Variants in IMMP2L observed in about 807,000 individuals in gnomAD.
IMMP2L encodes mitochondrial inner membrane protease subunit 2.
A neutral mutation model predicts 19.3 loss-of-function variants in IMMP2L; 18 were observed. The ratio of observed to expected loss-of-function variants is 0.93; its 90% confidence interval spans 0.64 to 1.38. IMMP2L has a LOEUF of 1.38. Among genes scored for constraint, IMMP2L ranks in the 40% most tolerant of loss-of-function variants. The pLI, the probability that IMMP2L is intolerant of heterozygous loss-of-function variation, is 0.00. For synonymous variants in IMMP2L, 76 were observed against 73.0 expected (o/e 1.04, Z -0.21); for missense variants, 233 against 218.2 (o/e 1.07, Z -0.43).
intron 5 of IMMP2L, among the ~76,000 whole-genome samples, chr7:110,744,496 A>C (rs1346238465): frequency 6.6e-6 from 1 of 152,120 alleles, no homozygotes; most frequent in East Asian, 1.9e-4. Context: ...CATACAGGAG[A>C]GCTCTGGCTG....
At chr7:111,058,134 T>A (rs1301935256) in intron 3 of IMMP2L, among the ~76,000 whole-genome samples, 1 of 152,144 alleles carries the variant, frequency 6.6e-6, no homozygotes, top group African/African-American at 2.4e-5. Flanking sequence ...AATTTATCTA[T>A]TTTTCTTTTA....
intron 5 of IMMP2L, among the ~76,000 whole-genome samples, chr7:110,730,532 CTTT>C (rs566137083): frequency 2.1e-5 from 3 of 143,824 alleles, no homozygotes; most frequent in Non-Finnish European, 3.1e-5. Context: ...TTTTCTTTTT[CTTT>C]TTTTTTTTTT....
At chr7:111,145,920 G>A (rs909988325) in intron 3 of IMMP2L, among the ~76,000 whole-genome samples, 1 of 152,056 alleles carries the variant, frequency 6.6e-6, no homozygotes, top group Non-Finnish European at 1.5e-5. Flanking sequence ...TGGATATGTT[G>A]GCTCCATTCA....
intron 3 of IMMP2L, among the ~76,000 whole-genome samples, chr7:111,250,213 C>T (rs1252489853): frequency 1.3e-5 from 2 of 151,938 alleles, no homozygotes; most frequent in African/African-American, 4.8e-5. Context: ...AGTGAAGGAC[C>T]TCTTCAAGGA....
In IMMP2L at chr7:111,063,636, T is replaced by G. The variant is rs539718669; in HGVS notation, c.240-100071A>C. ...CTGAATGCCTTTAACAGCACCCAAA[T>G]CATCTCTTGAATGCTTTGCTGCTTA... On this transcript the variant is annotated intron_variant, in intron 3 of 5. Transcript: ENST00000405709. Among the ~76,000 whole-genome samples the G allele has an allele frequency of 1.2e-4, 19 of 152,304 alleles. 1 individual carries two copies. In the South Asian group the frequency reaches 1.9e-3, roughly 15 times the overall value.
chr7:111,336,073 G>A (rs1452174227), intron 3 of IMMP2L, among the ~76,000 whole-genome samples: 5 of 151,982 alleles, frequency 3.3e-5, no homozygotes, highest in Non-Finnish European at 5.9e-5. Context: ...TGTTTGAGAA[G>A]GGATCTCACT....
chr7:110,796,064 T>C (rs1382159331), intron 5 of IMMP2L, among the ~76,000 whole-genome samples: 2 of 152,068 alleles, frequency 1.3e-5, no homozygotes, highest in Non-Finnish European at 2.9e-5. Flanking sequence ...CTGATGGTTT[T>C]ATAAGGGGCC....
chr7:110,746,166 T>C (rs946811036), intron 5 of IMMP2L, among the ~76,000 whole-genome samples: 4 of 152,106 alleles, frequency 2.6e-5, no homozygotes, highest in Non-Finnish European at 5.9e-5. Flanking sequence ...AGAAGGACAT[T>C]ACATAATGGG....
rs1386848343 is a variant in IMMP2L at position 110,940,770 on chromosome 7, C to T, written c.305+22730G>A. 2.6e-5 allele frequency among the ~76,000 whole-genome samples: 4 copies of T among 152,058 alleles called. No homozygotes were observed. In the East Asian group the frequency reaches 7.7e-4, roughly 29 times the overall value. The stretch of plus-strand genomic sequence containing the variant: ...ACAAACAACAACCTGAAGTAATTTA[C>T]CTGGCTATCAGGAAATACCTGAGGT... On this transcript the variant is annotated intron_variant, in intron 4 of 5. Transcript: ENST00000405709.
intron 4 of IMMP2L, among the ~76,000 whole-genome samples, chr7:110,944,485 G>A (rs752624948): frequency 2.6e-5 from 4 of 151,988 alleles, no homozygotes; most frequent in East Asian, 1.9e-4. Context: ...GTGTGTGTGC[G>A]CGTGTGTGTG....
At chr7:111,535,997 A>C (rs1046700530) in intron 1 of IMMP2L, among the ~76,000 whole-genome samples, 5 of 152,126 alleles carry the variant, frequency 3.3e-5, no homozygotes, top group African/African-American at 1.2e-4. Flanking sequence ...TTCTTTGGCC[A>C]CTAAGAAGTG....
chr7:111,255,610 G>A (rs1465052741), intron 3 of IMMP2L, among the ~76,000 whole-genome samples: 1 of 151,946 alleles, frequency 6.6e-6, no homozygotes, highest in Non-Finnish European at 1.5e-5. Flanking sequence ...AATCCTGTAA[G>A]TTACACATTA....
intron 3 of IMMP2L, among the ~76,000 whole-genome samples, chr7:111,149,987 G>A (rs973971950): frequency 2.6e-5 from 4 of 152,126 alleles, no homozygotes; most frequent in African/African-American, 7.2e-5. Context: ...GGATATGTCA[G>A]GGAGCCAAAC....
intron 1 of IMMP2L, among the ~76,000 whole-genome samples, chr7:111,544,474 G>C (rs1175303391): frequency 6.6e-6 from 1 of 152,092 alleles, no homozygotes; most frequent in Non-Finnish European, 1.5e-5. Flanking sequence ...AAAGAGCAAA[G>C]TTACTGAATG....
At chr7:111,461,097 T>C (rs530031000) in intron 3 of IMMP2L, among the ~76,000 whole-genome samples, 4 of 152,230 alleles carry the variant, frequency 2.6e-5, no homozygotes, top group African/African-American at 9.6e-5. Context: ...TATTTTGACT[T>C]AGTGCTGGAT....
intron 3 of IMMP2L, among the ~76,000 whole-genome samples, chr7:111,404,875 T>G (rs1833784284): frequency 6.6e-6 from 1 of 152,090 alleles, no homozygotes; most frequent in Admixed American, 6.6e-5. Context: ...TCACTTCTGG[T>G]GTCTGAACTC....
At chr7:110,912,484 T>C (rs1585238040) in intron 4 of IMMP2L, among the ~76,000 whole-genome samples, 1 of 151,832 alleles carries the variant, frequency 6.6e-6, no homozygotes, top group East Asian at 1.9e-4. Flanking sequence ...TTAAAGAAAA[T>C]CCAAGCTCTA....
chr7:110,698,642 A>C (rs939269518), intron 5 of IMMP2L, among the ~76,000 whole-genome samples: 1 of 152,216 alleles, frequency 6.6e-6, no homozygotes, highest in African/African-American at 2.4e-5. Flanking sequence ...TTCATGCTCC[A>C]AGGATGGCAG....
chr7:110,794,501 G>A (rs1800723443), intron 5 of IMMP2L, among the ~76,000 whole-genome samples: 1 of 152,022 alleles, frequency 6.6e-6, no homozygotes, highest in Non-Finnish European at 1.5e-5. Flanking sequence ...TTAAAAAAAT[G>A]TATCTTCCAT....
Sources: allele counts gnomAD v4.1 joint callset (sites outside exome capture counted in the v4.1 genomes callset), GRCh38; gene constraint gnomAD v4.1.1; transcripts MANE v1.5; gene names NCBI Gene and HGNC (gene_info 2026-07-23, HGNC 2026-07-21).